The following VTI1A variants were observed in gnomAD, a reference collection of about 807,000 sequenced individuals.
VTI1A encodes the protein vesicle transport through interaction with t-SNAREs 1A.
Under a neutral mutation model 34.9 loss-of-function variants are expected in VTI1A, and 22 were observed. The observed-to-expected ratio is 0.63, with a 90% CI of 0.45 to 0.90. The LOEUF (loss-of-function observed/expected upper bound fraction) is 0.90, where lower values mean the gene tolerates loss of function less well. Ranked by LOEUF, VTI1A falls within the 40% of genes least tolerant of loss-of-function variation. The pLI is 0.00. For missense variants in VTI1A, 268 were observed against 275.6 expected, an observed-to-expected ratio of 0.97 and a Z score of 0.20; for synonymous variants, 87 against 97.3, an observed-to-expected ratio of 0.89 and a Z score of 0.62.
At chr10:112,668,106 T>G (rs1847709516) in intron 5 of VTI1A, 112 bp from the exon 6 acceptor site, 2 of 718,256 alleles carry the variant, frequency 2.8e-6, no homozygotes, top group Non-Finnish European at 4.9e-6. Context: ...ATGTGTCTGA[T>G]GTATAATGCA....
intron 5 of VTI1A, among the ~76,000 whole-genome samples, chr10:112,627,844 G>A (rs1031704665): frequency 1.3e-5 from 2 of 152,006 alleles, no homozygotes; most frequent in Admixed American, 6.6e-5. Context: ...ATAAAATGTG[G>A]TAATGATATA....
chr10:112,535,967 A>T (rs1049055223), intron 4 of VTI1A, among the ~76,000 whole-genome samples: 4 of 152,222 alleles, frequency 2.6e-5, no homozygotes, highest in South Asian at 2.1e-4. Context: ...ATTTACTCTG[A>T]TAAAATTGAA....
intron 3 of VTI1A, among the ~76,000 whole-genome samples, chr10:112,497,942 T>C (rs1388526541): frequency 2.6e-5 from 4 of 152,236 alleles, no homozygotes; most frequent in Non-Finnish European, 4.4e-5. Flanking sequence ...CTAAAAGTTA[T>C]AGTTCTTAAA....
At chr10:112,552,446 CAACA>C (rs144517336) in intron 5 of VTI1A, among the ~76,000 whole-genome samples, 5,842 of 152,166 alleles carry the variant, frequency 0.038, 168 homozygotes, top group Non-Finnish European at 0.058. Flanking sequence ...ACCAACCAAC[CAACA>C]AACAAAATCT....
chr10:112,815,257 T>C, intron 7 of VTI1A, 33 bp from the exon 8 acceptor site: 2 of 1,586,916 alleles, frequency 1.3e-6, no homozygotes, highest in Non-Finnish European at 1.7e-6. Context: ...TCCACTTATC[T>C]GTGTGTGTTT....
intron 7 of VTI1A, among the ~76,000 whole-genome samples, chr10:112,801,193 T>C (rs927079257): frequency 2.6e-5 from 4 of 152,092 alleles, no homozygotes; most frequent in Non-Finnish European, 5.9e-5. Flanking sequence ...TGAGGAGTAC[T>C]TAAAGCTGGG....
At chr10:112,587,454 G>A (rs1844204913) in intron 5 of VTI1A, among the ~76,000 whole-genome samples, 1 of 151,978 alleles carries the variant, frequency 6.6e-6, no homozygotes. Flanking sequence ...GAAAGTAATT[G>A]GAAAGAATAT....
chr10:112,653,254 C>G (rs1215941697), intron 5 of VTI1A, among the ~76,000 whole-genome samples: 1 of 152,160 alleles, frequency 6.6e-6, no homozygotes, highest in African/African-American at 2.4e-5. Context: ...GCCTTATGTT[C>G]CCTGCCTCCA....
intron 5 of VTI1A, among the ~76,000 whole-genome samples, chr10:112,639,700 T>C (rs1489509692): frequency 6.6e-6 from 1 of 152,198 alleles, no homozygotes; most frequent in African/African-American, 2.4e-5. Context: ...CTAACTTACA[T>C]TGAAAAGGTA....
the VTI1A span, among the ~76,000 whole-genome samples, chr10:112,833,360 A>G: frequency 6.6e-6 from 1 of 151,870 alleles, no homozygotes; most frequent in African/African-American, 2.4e-5. Flanking sequence ...TACTCCTTCA[A>G]GGTTCCACCC....
At chr10:112,637,895 A>G (rs1846420606) in intron 5 of VTI1A, among the ~76,000 whole-genome samples, 1 of 152,236 alleles carries the variant, frequency 6.6e-6, no homozygotes, top group African/African-American at 2.4e-5. Flanking sequence ...TGTCTTGTAT[A>G]CAGTTGCTTT....
At chr10:112,542,488 C>T (rs2134267166) in intron 5 of VTI1A, among the ~76,000 whole-genome samples, 1 of 152,246 alleles carries the variant, frequency 6.6e-6, no homozygotes, top group Non-Finnish European at 1.5e-5. Flanking sequence ...GGCCACCTCG[C>T]CCTGACTTCC....
chr10:112,612,117 A>G (rs1002117715), intron 5 of VTI1A, among the ~76,000 whole-genome samples: 5 of 152,178 alleles, frequency 3.3e-5, no homozygotes, highest in African/African-American at 1.2e-4. Context: ...AAAAATAAAA[A>G]AGCCATTTTA....
intron 5 of VTI1A, among the ~76,000 whole-genome samples, chr10:112,557,163 C>T (rs1432554559): frequency 1.3e-5 from 2 of 151,906 alleles, no homozygotes; most frequent in African/African-American, 4.8e-5. Context: ...TCTTAATAGC[C>T]TCTTTTACTT....
In VTI1A at chr10:112,752,698, A is replaced by G. The variant is rs149671688; in HGVS notation, c.561-62592A>G. 2,731 of 424,500 alleles carry G rather than the reference A, an allele frequency of 6.4e-3. 13 individuals are homozygous for G. Among genetic ancestry groups the G allele is most frequent in the Non-Finnish European group, 7.8e-3 (2,473 of 317,372 alleles). The allele number at this position is 424,500 out of a possible 1,614,324, so 26.3% of individuals were successfully genotyped here. On this transcript the variant is annotated intron_variant, in intron 7 of 7. Transcript: ENST00000393077. ...GTTGCCTCCACTTAGGAAACTATGG[A>G]TTGTTTTCTGTATTGAACTATCACA...
intron 7 of VTI1A, among the ~76,000 whole-genome samples, chr10:112,720,648 T>G (rs1406830824): frequency 6.6e-6 from 1 of 152,226 alleles, no homozygotes; most frequent in African/African-American, 2.4e-5. Flanking sequence ...GAAGATGTTC[T>G]TTTTACCATG....
At chr10:112,640,741 A>G (rs1388841135) in intron 5 of VTI1A, among the ~76,000 whole-genome samples, 1 of 152,190 alleles carries the variant, frequency 6.6e-6, no homozygotes, top group African/African-American at 2.4e-5. Flanking sequence ...ATATTGGCCT[A>G]TCATTTGGCA....
chr10:112,549,940 A>C (rs1851286121), intron 5 of VTI1A, among the ~76,000 whole-genome samples: 1 of 152,228 alleles, frequency 6.6e-6, no homozygotes, highest in African/African-American at 2.4e-5. Context: ...TTGTGCTTAT[A>C]TATACTTTGT....
intron 7 of VTI1A, among the ~76,000 whole-genome samples, chr10:112,790,703 A>T (rs1304144105): frequency 6.6e-6 from 1 of 151,468 alleles, no homozygotes; most frequent in Non-Finnish European, 1.5e-5. Context: ...CCAGTTTTCT[A>T]TGAATAAGCA....
Sources: gnomAD v4.1 joint callset for allele counts (sites outside exome capture counted in the v4.1 genomes callset) on GRCh38, gnomAD v4.1.1 for gene constraint, MANE v1.5 for transcripts, NCBI Gene and HGNC (gene_info 2026-07-23, HGNC 2026-07-21) for gene names.